The following ZNF385D variants were observed in gnomAD, a reference collection of about 807,000 sequenced individuals.
The protein encoded by ZNF385D is zinc finger protein 659.
In ZNF385D, 15 loss-of-function variants were observed where a neutral mutation model predicts 35.8. That is an observed-to-expected ratio of 0.42 (90% confidence interval 0.28 to 0.64). ZNF385D has a LOEUF of 0.64. ZNF385D is among the 30% of genes least tolerant of loss of function. ZNF385D has a pLI of 0.23. For synonymous variants in ZNF385D, 212 were observed against 186.8 expected (o/e 1.13, Z -1.10); for missense variants, 474 against 494.6 (o/e 0.96, Z 0.39).
At chr3:21,472,370 TA>T (rs938307172) in intron 4 of ZNF385D, among the ~76,000 whole-genome samples, 2 of 151,844 alleles carry the variant, frequency 1.3e-5, no homozygotes, top group Non-Finnish European at 2.9e-5. Context: ...GACTATAAAA[TA>T]AGAGCAAAAA....
rs182898172 is a variant in ZNF385D at position 21,545,659 on chromosome 3, T to C, written c.276+18915A>G. Among the ~76,000 whole-genome samples the C allele has an allele frequency of 7.2e-4, 110 of 152,310 alleles. 1 individual carries two copies. Among genetic ancestry groups the C allele is most frequent in the African/African-American group, 2.6e-3 (108 of 41,568 alleles). ...GAACACAATTGGAAAAAAACTGTTA[T>C]TTTATCAAGACTTTGACTGGAAGGG... is the stretch of plus-strand genomic sequence containing the variant. On this transcript the variant is annotated intron_variant, in intron 3 of 7. Coordinates refer to ENST00000281523, the MANE Select transcript of ZNF385D (RefSeq NM_024697.3).
chr3:21,729,277 C>A (rs2125479526), intron 1 of ZNF385D, among the ~76,000 whole-genome samples: 1 of 152,064 alleles, frequency 6.6e-6, no homozygotes, highest in South Asian at 2.1e-4. Context: ...ACAATAAAAC[C>A]CTAAAATCAA....
intron 3 of ZNF385D, among the ~76,000 whole-genome samples, chr3:21,799,926 G>C (rs2072321584): frequency 6.6e-6 from 1 of 152,064 alleles, no homozygotes; most frequent in Admixed American, 6.6e-5. Flanking sequence ...GTTAAATTTT[G>C]AATAATGTGT....
chr3:21,954,974 A>C (rs1702221437), intron 3 of ZNF385D, among the ~76,000 whole-genome samples: 1 of 152,128 alleles, frequency 6.6e-6, no homozygotes, highest in Non-Finnish European at 1.5e-5. Context: ...AACACTTAGA[A>C]ATCTGGTGAT....
At chr3:21,975,297 C>G (rs1703525528) in intron 3 of ZNF385D, among the ~76,000 whole-genome samples, 1 of 151,948 alleles carries the variant, frequency 6.6e-6, no homozygotes, top group African/African-American at 2.4e-5. Flanking sequence ...ATGAAATAAG[C>G]CAGGCACAGC....
At chr3:21,798,692 G>A (rs2072263709) in intron 3 of ZNF385D, among the ~76,000 whole-genome samples, 1 of 152,092 alleles carries the variant, frequency 6.6e-6, no homozygotes, top group African/African-American at 2.4e-5. Flanking sequence ...GCTCATCATA[G>A]TCACAGGTAT....
chr3:22,147,246 G>T (rs982097861), intron 3 of ZNF385D, among the ~76,000 whole-genome samples: 1 of 152,154 alleles, frequency 6.6e-6, no homozygotes, highest in African/African-American at 2.4e-5. Context: ...CTCCTGGTAA[G>T]ATATGAATTT....
chr3:22,023,430 C>A (rs1383093), intron 3 of ZNF385D, among the ~76,000 whole-genome samples: 33,675 of 151,958 alleles, frequency 0.22, 6,402 homozygotes, highest in African/African-American at 0.52. Context: ...GCGGCATAGA[C>A]CACTAAAAAG....
At chr3:21,467,920 A>G (rs1317617429) in intron 4 of ZNF385D, among the ~76,000 whole-genome samples, 2 of 152,204 alleles carry the variant, frequency 1.3e-5, no homozygotes, top group East Asian at 1.9e-4. Flanking sequence ...AGGCTAAAAT[A>G]TAAAAGAATG....
chr3:21,740,218 CTT>C (rs1372299434), intron 1 of ZNF385D, among the ~76,000 whole-genome samples: 1 of 152,108 alleles, frequency 6.6e-6, no homozygotes, highest in Non-Finnish European at 1.5e-5. Flanking sequence ...AGGTTGGAAA[CTT>C]AGACCTGATT....
intron 2 of ZNF385D, chr3:21,580,041 G>A (rs1376788579): frequency 6.6e-6 from 1 of 151,974 alleles, no homozygotes; most frequent in African/African-American, 2.4e-5. Context: ...AAAACAAATG[G>A]AACGGATGAT....
chr3:21,980,552 T>A (rs991320463), intron 3 of ZNF385D, among the ~76,000 whole-genome samples: 5 of 152,198 alleles, frequency 3.3e-5, no homozygotes, highest in African/African-American at 1.2e-4. Context: ...ATATCAGCCA[T>A]ATGGTTCAAC....
At chr3:21,547,895 G>C (rs1300266567) in intron 3 of ZNF385D, among the ~76,000 whole-genome samples, 1 of 152,130 alleles carries the variant, frequency 6.6e-6, no homozygotes, top group Non-Finnish European at 1.5e-5. Flanking sequence ...ACAGGTGTGA[G>C]CCAATGCACC....
rs536576041 is a variant in ZNF385D at position 22,067,937 on chromosome 3, C to T, written c.325+100880G>A. 2.1e-4 allele frequency among the ~76,000 whole-genome samples: 32 copies of T among 151,782 alleles called. No individual in the cohort carries two copies. In the East Asian group the frequency reaches 2.5e-3, roughly 12 times the overall value. ...CTGAGGCGGGAGAATTGCTTGAACC[C>T]GGGAGGCAGAGGTTGCAGTGAGCCG... On this transcript the variant is annotated intron_variant, in intron 3 of 5. Transcript: ENST00000494108.
At chr3:21,464,375 T>C (rs1025011111) in intron 4 of ZNF385D, among the ~76,000 whole-genome samples, 5 of 152,208 alleles carry the variant, frequency 3.3e-5, no homozygotes, top group Admixed American at 1.3e-4. Context: ...TGCTAATATA[T>C]GCATTTTTAT....
intron 3 of ZNF385D, among the ~76,000 whole-genome samples, chr3:22,005,764 C>G (rs1037540638): frequency 6.6e-6 from 1 of 152,050 alleles, no homozygotes; most frequent in African/African-American, 2.4e-5. Flanking sequence ...ACCTTTAGAA[C>G]CCTAAGTGTG....
chr3:22,123,932 C>A (rs946021483), intron 3 of ZNF385D, among the ~76,000 whole-genome samples: 4 of 83,458 alleles, frequency 4.8e-5, no homozygotes, highest in African/African-American at 1.7e-4. Context: ...ATCTCTCTCT[C>A]TCTCTCTCTC....
intron 2 of ZNF385D, among the ~76,000 whole-genome samples, chr3:22,292,990 A>G (rs879856785): frequency 1.3e-5 from 2 of 152,142 alleles, no homozygotes; most frequent in Non-Finnish European, 2.9e-5. Flanking sequence ...ATATGCAACT[A>G]CATGATTTAT....
intron 2 of ZNF385D, among the ~76,000 whole-genome samples, chr3:22,256,735 T>G (rs1051298109): frequency 6.6e-6 from 1 of 151,912 alleles, no homozygotes; most frequent in African/African-American, 2.4e-5. Flanking sequence ...TTATTATATA[T>G]GTACTCATTC....
Sources: gnomAD v4.1 joint callset for allele counts (sites outside exome capture counted in the v4.1 genomes callset) on GRCh38, gnomAD v4.1.1 for gene constraint, MANE v1.5 for transcripts, NCBI Gene and HGNC (gene_info 2026-07-23, HGNC 2026-07-21) for gene names.